The following MCPH1 variants were observed in gnomAD, a reference collection of about 807,000 sequenced individuals.
MCPH1 encodes the protein microcephalin.
Under a neutral mutation model 84.5 loss-of-function variants are expected in MCPH1, and 104 were observed. That is an observed-to-expected ratio of 1.23 (90% CI 1.05 to 1.45). The LOEUF (loss-of-function observed/expected upper bound fraction) is 1.45. MCPH1 is among the 40% of genes most tolerant of loss of function. The pLI, the probability that MCPH1 is intolerant of heterozygous loss-of-function variation, is 0.00. For missense variants in MCPH1, 1,498 were observed against 1,005.7 expected (o/e 1.49, Z -6.62); for synonymous variants, 514 against 366.8 (o/e 1.40, Z -4.58).
chr8:6,536,294 G>C (rs773140218), intron 12 of MCPH1, among the ~76,000 whole-genome samples: 3 of 152,102 alleles, frequency 2.0e-5, no homozygotes, highest in Non-Finnish European at 4.4e-5. Context: ...GCTGTGTCGG[G>C]ATCCCAGGCG....
chr8:6,630,672 T>G (rs1256500814), intron 13 of MCPH1, among the ~76,000 whole-genome samples: 1 of 151,418 alleles, frequency 6.6e-6, no homozygotes, highest in Non-Finnish European at 1.5e-5. Context: ...TCCCAGCTAC[T>G]TGGGAGGCTG....
chr8:6,588,761 C>T (rs1167755265), intron 12 of MCPH1, among the ~76,000 whole-genome samples: 2 of 152,234 alleles, frequency 1.3e-5, no homozygotes, highest in Non-Finnish European at 2.9e-5. Flanking sequence ...GCTTCTCACC[C>T]AAGCCTTCTG....
chr8:6,521,736 C>G (rs1817379642), intron 12 of MCPH1, among the ~76,000 whole-genome samples: 1 of 152,186 alleles, frequency 6.6e-6, no homozygotes, highest in Non-Finnish European at 1.5e-5. Flanking sequence ...AAGAAAGGTG[C>G]TGCTCTTTCA....
At chr8:6,501,903 A>G (rs940738500) in intron 12 of MCPH1, 6 of 149,006 alleles carry the variant, frequency 4.0e-5, no homozygotes, top group Non-Finnish European at 7.4e-5. Flanking sequence ...TATGAACATC[A>G]GATTTTGTTT....
chr8:6,503,314 C>G, intron 12 of MCPH1: 2 of 1,596,732 alleles, frequency 1.3e-6, no homozygotes, highest in Admixed American at 1.7e-5. Context: ...CCAGCTCCCA[C>G]CACGAAGACA....
intron 13 of MCPH1, chr8:6,625,753 C>T: frequency 1.0e-6 from 1 of 978,312 alleles, no homozygotes; most frequent in Non-Finnish European, 1.2e-6. Flanking sequence ...CACTGTACTC[C>T]AGCCTAGGCA....
At chr8:6,632,625 C>T (rs1586880172) in intron 13 of MCPH1, among the ~76,000 whole-genome samples, 2 of 152,054 alleles carry the variant, frequency 1.3e-5, no homozygotes, top group East Asian at 1.9e-4. Flanking sequence ...CTGGCTAACA[C>T]AGTGAAACCC....
intron 12 of MCPH1, chr8:6,501,930 T>C (rs1196847592): frequency 7.4e-5 from 5 of 67,588 alleles, no homozygotes; most frequent in African/African-American, 1.7e-4. Context: ...TTTGAAACCC[T>C]TTTTTTTTTT....
In MCPH1 at chr8:6,407,013, C is replaced by T. The variant is rs559120912; in HGVS notation, c.22+324C>T. On this transcript the variant is annotated intron_variant, in intron 1 of 13. Coordinates refer to ENST00000344683, the MANE Select transcript of MCPH1 (RefSeq NM_024596.5). The stretch of plus-strand genomic sequence containing the variant: ...GCCCCAACCCCCGTGCTGCTAGTTC[C>T]CCTCAATCCCCCGCTGCCTGCTCCC... 62 of 374,938 alleles carry T rather than the reference C, an allele frequency of 1.7e-4. 1 individual carries two copies. Among genetic ancestry groups the T allele is most frequent in the African/African-American group, 1.4e-3 (55 of 38,038 alleles). 23.2% of individuals were successfully genotyped at this position (374,938 alleles called of 1,614,324 possible).
At chr8:6,460,547 G>T (rs906362881) in intron 9 of MCPH1, among the ~76,000 whole-genome samples, 1 of 151,940 alleles carries the variant, frequency 6.6e-6, no homozygotes, top group African/African-American at 2.4e-5. Context: ...CCAGTTCTCT[G>T]TCAAAATTAT....
At chr8:6,489,763 T>G (rs1810358510) in intron 11 of MCPH1, among the ~76,000 whole-genome samples, 1 of 152,172 alleles carries the variant, frequency 6.6e-6, no homozygotes, top group Non-Finnish European at 1.5e-5. Flanking sequence ...ATCGTCCTAG[T>G]GCTTGGCGAT....
At chr8:6,504,385 A>G (rs1812848708) in intron 12 of MCPH1, among the ~76,000 whole-genome samples, 1 of 151,916 alleles carries the variant, frequency 6.6e-6, no homozygotes, top group Admixed American at 6.6e-5. Context: ...ACGGGATAAA[A>G]TCTCCTGATG....
At chr8:6,628,109 G>A (rs924910474) in intron 13 of MCPH1, among the ~76,000 whole-genome samples, 5 of 152,120 alleles carry the variant, frequency 3.3e-5, no homozygotes, top group Admixed American at 2.6e-4. Context: ...TTGGGTCCCC[G>A]TCGTTAAACT....
intron 12 of MCPH1, among the ~76,000 whole-genome samples, chr8:6,557,365 A>G (rs1464944377): frequency 6.6e-6 from 1 of 152,104 alleles, no homozygotes; most frequent in African/African-American, 2.4e-5. Context: ...GGGCAAAATG[A>G]GGTGAGGTGT....
At chr8:6,598,774 C>T (rs1396777134) in intron 12 of MCPH1, among the ~76,000 whole-genome samples, 3 of 152,214 alleles carry the variant, frequency 2.0e-5, no homozygotes, top group Non-Finnish European at 2.9e-5. Flanking sequence ...GAGCCCCCTG[C>T]CACCCGAAAG....
At chr8:6,638,727 G>A (rs1332580102) in intron 13 of MCPH1, among the ~76,000 whole-genome samples, 1 of 152,142 alleles carries the variant, frequency 6.6e-6, no homozygotes, top group African/African-American at 2.4e-5. Context: ...GGATGTTTGA[G>A]GATTATTCCT....
intron 12 of MCPH1, among the ~76,000 whole-genome samples, chr8:6,533,548 C>G (rs573974520): frequency 1.4e-5 from 2 of 147,818 alleles, no homozygotes; most frequent in African/African-American, 5.0e-5. Context: ...TGCGTAACTC[C>G]AGATACTTAG....
intron 12 of MCPH1, among the ~76,000 whole-genome samples, chr8:6,601,644 C>A (rs917491413): frequency 6.6e-6 from 1 of 151,480 alleles, no homozygotes; most frequent in Non-Finnish European, 1.5e-5. Context: ...CATACATACA[C>A]ATACACACAA....
intron 9 of MCPH1, among the ~76,000 whole-genome samples, chr8:6,467,041 G>A (rs1807066141): frequency 6.6e-6 from 1 of 152,170 alleles, no homozygotes; most frequent in Admixed American, 6.5e-5. Context: ...TTATTATTCA[G>A]AAGGGGTTAA....
Sources: allele counts gnomAD v4.1 joint callset (sites outside exome capture counted in the v4.1 genomes callset), GRCh38; gene constraint gnomAD v4.1.1; transcripts MANE v1.5; gene names NCBI Gene and HGNC (gene_info 2026-07-23, HGNC 2026-07-21).